The following MCF2L variants were observed in gnomAD, a reference collection of about 807,000 sequenced individuals.
The protein encoded by MCF2L is guanine nucleotide exchange factor DBS.
A neutral mutation model predicts 153.4 loss-of-function variants in MCF2L; 97 were observed. That is an observed-to-expected ratio of 0.63 (90% CI 0.54 to 0.75). The LOEUF is 0.75. Among genes scored for constraint, MCF2L ranks in the 30% least tolerant of loss-of-function variants. The pLI is 0.00. For synonymous variants in MCF2L, 659 were observed against 632.2 expected (o/e 1.04, Z -0.64); for missense variants, 1,347 against 1,495.2 (o/e 0.90, Z 1.64).
chr13:113,064,736 C>T lies in MCF2L; in HGVS notation c.607-200C>T. On this transcript the variant is annotated intron_variant, in intron 6 of 29. Transcript: ENST00000535094. The surrounding 1 kb of genome is among the most constrained non-coding windows in gnomAD (Gnocchi z 6.0). ...CACAGGCGACTCTAGGTGACGGGCA[C>T]ACGTGTAGAGTGTGCCTGGTATGTT... The T allele has an allele frequency of 1.6e-6, 1 of 618,580 alleles. No homozygotes were observed. Among genetic ancestry groups the T allele is most frequent in the Non-Finnish European group, 2.8e-6 (1 of 356,616 alleles). 38.3% of individuals were successfully genotyped at this position (618,580 alleles called of 1,614,324 possible). A position where few individuals can be genotyped will look rare whatever the true frequency, so the allele number is the denominator to read the frequency against.
chr13:113,020,755 A>C (rs1299343612), intron 2 of MCF2L, among the ~76,000 whole-genome samples: 1 of 152,214 alleles, frequency 6.6e-6, no homozygotes, highest in Admixed American at 6.5e-5. Context: ...ACAGACATCC[A>C]GTCCATAACA....
At chr13:112,931,987 A>G (rs2081468558) in intron 2 of MCF2L, among the ~76,000 whole-genome samples, 1 of 152,226 alleles carries the variant, frequency 6.6e-6, no homozygotes, top group Non-Finnish European at 1.5e-5. Flanking sequence ...GACTGGAGAC[A>G]AGAGATAAGT....
At chr13:113,050,634 CGGTGGG>C (rs2087183680) in intron 4 of MCF2L, among the ~76,000 whole-genome samples, 1 of 116,674 alleles carries the variant, frequency 8.6e-6, no homozygotes, top group African/African-American at 3.2e-5. Context: ...ACCGTGGGGG[CGGTGGG>C]GGCGGTGGGA....
chr13:112,909,108 A>G (rs2081203219), intron 2 of MCF2L: 1 of 717,928 alleles, frequency 1.4e-6, no homozygotes, highest in Admixed American at 1.8e-5. Context: ...AACTGTTCCC[A>G]CTGCAAAGAA....
chr13:113,047,932 G>A (rs1251247079), intron 4 of MCF2L, among the ~76,000 whole-genome samples: 11 of 152,268 alleles, frequency 7.2e-5, no homozygotes, highest in African/African-American at 1.2e-4. Flanking sequence ...GCCTCGCTAC[G>A]CGTGCCCCAG....
chr13:113,070,609 G>T lies in MCF2L; in HGVS notation c.996+436G>T, dbSNP rs966867391. ...AGACGTCTCCCTCCTGCGGCCCTTC[G>T]TGGACTCACCCATGTCCCTCCTCAG... On this transcript the variant is annotated intron_variant, in intron 9 of 29. Coordinates refer to ENST00000535094, the MANE Select transcript of MCF2L (RefSeq NM_001112732.3). The surrounding 1 kb of genome is among the most constrained non-coding windows in gnomAD (Gnocchi z 5.6). 2.0e-5 allele frequency among the ~76,000 whole-genome samples: 3 copies of T among 152,162 alleles called. No homozygotes were observed. The highest frequency in any genetic ancestry group is 7.2e-5 in the African/African-American group (3 of 41,438).
intron 7 of MCF2L, 24 bp downstream of exon 7, chr13:113,065,109 G>A: frequency 6.3e-7 from 1 of 1,599,356 alleles, no homozygotes; most frequent in East Asian, 2.3e-5. Context: ...GCTCCGGCTG[G>A]AAGCTGTGGG....
intron 2 of MCF2L, among the ~76,000 whole-genome samples, chr13:112,949,054 T>C (rs1409865154): frequency 2.0e-5 from 3 of 152,144 alleles, no homozygotes; most frequent in Non-Finnish European, 4.4e-5. Flanking sequence ...AGAGCAAGAC[T>C]CCCCAGAGGT....
chr13:113,070,076 A>C lies in MCF2L; in HGVS notation c.899A>C (p.Asn300Thr), dbSNP rs1258494957. The C allele has an allele frequency of 1.2e-6, 2 of 1,609,452 alleles. No homozygotes were observed. Among genetic ancestry groups the C allele is most frequent in the East Asian group, 2.3e-5 (1 of 44,348 alleles). ...ATVQRLLAQL[N>T]ETEAAFDEFW... ...TTTCCCAGGCTCCTGGCCCAGCTGA[A>C]CGAAACCGAGGCTGCCTTCGATGAG... Residue 300 changes from asparagine (N) to threonine (T), a missense_variant, in exon 9 of 30, where the codon AAC becomes ACC. By Grantham distance (65) the Asn-to-Thr change is moderately conservative (BLOSUM62 0). Around this residue, in one of 3 missense-constraint regions of MCF2L, gnomAD observed 820 missense variants for 921.2 expected, o/e 0.89. Coordinates refer to ENST00000535094, the MANE Select transcript of MCF2L (RefSeq NM_001112732.3). This position sits in a 1 kb window ranked among gnomAD's most constrained non-coding sequence, Gnocchi z 5.6.
rs1202435140 is a variant in MCF2L, at chr13:113,044,732, T to A, written c.279-539T>A. On this transcript the variant is annotated intron_variant, in intron 3 of 29. Transcript: ENST00000535094. ...GTGTGGTCTCTGTCACAGATGTGGC[T>A]GTCGCAGAGAGTGCTGCCTCCTCTC... 2 of 1,612,942 alleles carry A rather than the reference T, an allele frequency of 1.2e-6. 1 individual carries two copies. Among genetic ancestry groups the A allele is most frequent in the Non-Finnish European group, 1.7e-6 (2 of 1,179,900 alleles).
intron 1 of MCF2L, among the ~76,000 whole-genome samples, chr13:112,982,873 G>A (rs368538758): frequency 2.6e-5 from 4 of 152,134 alleles, no homozygotes; most frequent in Non-Finnish European, 4.4e-5. Flanking sequence ...GAACAAGGGC[G>A]AGGATGGAAG....
chr13:113,001,485 T>G, intron 1 of MCF2L: 1 of 167,812 alleles, frequency 6.0e-6, no homozygotes, highest in Non-Finnish European at 1.3e-5. Context: ...TCCCCACAGC[T>G]GTGGGGCTGG....
rs147461605 is a variant in MCF2L, at chr13:113,064,473, A to G, written c.606+53A>G. On this transcript the variant is annotated intron_variant, in intron 6 of 29. Transcript: ENST00000535094. The surrounding 1 kb of genome is among the most constrained non-coding windows in gnomAD (Gnocchi z 6.0). ...GGCTGATACCAGCTCGAGTACTTCC[A>G]CAGAATCGCTCTTGCATTACAACAC... The G allele has an allele frequency of 2.7e-6, 3 of 1,126,232 alleles. No homozygotes were observed. Among genetic ancestry groups the G allele is most frequent in the Non-Finnish European group, 4.0e-6 (3 of 745,332 alleles). 69.8% of individuals were successfully genotyped at this position (1,126,232 alleles called of 1,614,324 possible). A position where few individuals can be genotyped will look rare whatever the true frequency, so the allele number is the denominator to read the frequency against.
intron 9 of MCF2L, among the ~76,000 whole-genome samples, chr13:113,071,989 C>T (rs1272628462): frequency 6.6e-6 from 1 of 152,174 alleles, no homozygotes; most frequent in South Asian, 2.1e-4. Flanking sequence ...TTCTAGTCAA[C>T]AAACATGGTA....
chr13:112,980,886 G>A (rs1027319871), intron 1 of MCF2L, among the ~76,000 whole-genome samples: 3 of 152,310 alleles, frequency 2.0e-5, no homozygotes, highest in Middle Eastern at 6.8e-3. Flanking sequence ...CTCCATTCAC[G>A]CCCCACCACC....
chr13:113,031,181 CAG>C lies in MCF2L; in HGVS notation c.278+6427_278+6428del, dbSNP rs1242785068. 7.2e-6 allele frequency among the ~76,000 whole-genome samples: 1 copy of C among 139,448 alleles called. No homozygotes were observed. The allele number at this position is 139,448 out of a possible 152,430, so 91.5% of individuals were successfully genotyped here. ...GAGAGAAGAGACAGAGAGTGACAGA[CAG>C]AGACAGAGAGACAGAGACAGACAGA... On this transcript the variant is annotated intron_variant, in intron 3 of 29. Transcript: ENST00000535094. This position sits in a 1 kb window ranked among gnomAD's most constrained non-coding sequence, Gnocchi z 5.5.
rs1036076210 is a variant in MCF2L at position 113,035,902 on chromosome 13, G to T, written c.279-9369G>T. 6.6e-6 allele frequency among the ~76,000 whole-genome samples: 1 copy of T among 152,126 alleles called. No homozygotes were observed. Among genetic ancestry groups the T allele is most frequent in the East Asian group, 1.9e-4 (1 of 5,194 alleles). ...TTGGTAGTGAGTCTGTGTGACAGGC[G>T]ATGGGGCCTTCCTCTCTGGTACAGC... is the stretch of plus-strand genomic sequence containing the variant. On this transcript the variant is annotated intron_variant, in intron 3 of 29. Transcript: ENST00000535094. The surrounding 1 kb of genome is among the most constrained non-coding windows in gnomAD (Gnocchi z 4.4).
intron 2 of MCF2L, chr13:112,956,737 G>A (rs891347124): frequency 3.9e-5 from 6 of 152,244 alleles, no homozygotes; most frequent in African/African-American, 7.2e-5. Flanking sequence ...GTCCAGCCTC[G>A]AGGTTGTCCA....
chr13:113,090,873 A>T, intron 26 of MCF2L: 1 of 1,160,812 alleles, frequency 8.6e-7, no homozygotes, highest in African/African-American at 1.6e-5. Context: ...ACGTCCCTAG[A>T]GACGGGCCCC....
Sources: allele counts gnomAD v4.1 joint callset (sites outside exome capture counted in the v4.1 genomes callset), GRCh38; gene constraint gnomAD v4.1.1; regional missense constraint gnomAD v4.1.1; non-coding constraint Gnocchi (gnomAD v3.1); transcripts MANE v1.5; gene names NCBI Gene and HGNC (gene_info 2026-07-23, HGNC 2026-07-21).